The following XKR9 variants were observed in gnomAD, a reference collection of about 807,000 sequenced individuals.
XKR9 encodes the protein XK-related protein 9.
A neutral mutation model predicts 32.0 loss-of-function variants in XKR9; 32 were observed. That is an observed-to-expected ratio of 1.00 (90% CI 0.76 to 1.34). XKR9 has a LOEUF of 1.34. XKR9 is among the 40% of genes most tolerant of loss of function. The pLI is 0.00. For missense variants in XKR9, 546 were observed against 429.7 expected, an observed-to-expected ratio of 1.27 and a Z score of -2.39; for synonymous variants, 168 against 143.4, an observed-to-expected ratio of 1.17 and a Z score of -1.22.
At chr8:70,877,911 A>G in the XKR9 span, among the ~76,000 whole-genome samples, 1 of 152,200 alleles carries the variant, frequency 6.6e-6, no homozygotes, top group Non-Finnish European at 1.5e-5. Flanking sequence ...AGCCAGAGAG[A>G]AAGGTCGAGT....
At chr8:70,724,837 T>A (rs1200221663) in intron 4 of XKR9, among the ~76,000 whole-genome samples, 1 of 152,126 alleles carries the variant, frequency 6.6e-6, no homozygotes, top group East Asian at 1.9e-4. Flanking sequence ...TTAGTCTGGG[T>A]TTTCTTTTTT....
chr8:70,919,580 A>G, the XKR9 span, among the ~76,000 whole-genome samples: 1 of 152,160 alleles, frequency 6.6e-6, no homozygotes, highest in Admixed American at 6.5e-5. Context: ...TGACTTGCAT[A>G]TGCCCTAGTT....
At chr8:70,889,869 T>C in the XKR9 span, among the ~76,000 whole-genome samples, 2 of 152,078 alleles carry the variant, frequency 1.3e-5, no homozygotes, top group Non-Finnish European at 2.9e-5. Context: ...TGAATAGTGC[T>C]GCAATGAACA....
At chr8:70,811,696 A>G in the XKR9 span, among the ~76,000 whole-genome samples, 1 of 152,252 alleles carries the variant, frequency 6.6e-6, no homozygotes, top group Admixed American at 6.5e-5. Flanking sequence ...TCTAGAAGAA[A>G]TGGATAAATT....
At chr8:70,827,519 T>C in the XKR9 span, among the ~76,000 whole-genome samples, 3 of 152,174 alleles carry the variant, frequency 2.0e-5, no homozygotes, top group Non-Finnish European at 4.4e-5. Context: ...CTTTGTGATG[T>C]TGAAAAAAAT....
the XKR9 span, among the ~76,000 whole-genome samples, chr8:70,889,417 A>G: frequency 1.3e-5 from 2 of 150,580 alleles, no homozygotes; most frequent in African/African-American, 4.9e-5. Flanking sequence ...TTCACCTTTT[A>G]TTTTAGATTC....
intron 2 of XKR9, among the ~76,000 whole-genome samples, chr8:70,772,034 T>C (rs1807460545): frequency 6.6e-6 from 1 of 152,242 alleles, no homozygotes; most frequent in Admixed American, 6.5e-5. Context: ...CACTTTTGAA[T>C]ACTTTTATAG....
intron 4 of XKR9, 29 bp from the exon 5 acceptor site, chr8:70,733,767 A>G: frequency 6.8e-7 from 1 of 1,477,740 alleles, no homozygotes; most frequent in Non-Finnish European, 9.0e-7. Flanking sequence ...TTCCTATAAC[A>G]ATATATTTTT....
At chr8:71,034,088 CTTCTGAGG>C in the XKR9 span, among the ~76,000 whole-genome samples, 1 of 152,174 alleles carries the variant, frequency 6.6e-6, no homozygotes. Flanking sequence ...TGAAATGTGA[CTTCTGAGG>C]CTAGGTCATA....
chr8:70,825,427 A>G, the XKR9 span, among the ~76,000 whole-genome samples: 1 of 152,104 alleles, frequency 6.6e-6, no homozygotes, highest in Non-Finnish European at 1.5e-5. Context: ...TTTTGAACAC[A>G]TACAGTTCTC....
chr8:70,911,071 C>A, the XKR9 span, among the ~76,000 whole-genome samples: 1 of 152,170 alleles, frequency 6.6e-6, no homozygotes, highest in Non-Finnish European at 1.5e-5. Context: ...ATAATCCAGG[C>A]TTAGCTCCTT....
At chr8:70,902,118 A>T in the XKR9 span, among the ~76,000 whole-genome samples, 8 of 152,084 alleles carry the variant, frequency 5.3e-5, no homozygotes, top group South Asian at 1.7e-3. Flanking sequence ...TTTGCTTAGG[A>T]TTGTCTTTGC....
At chr8:70,793,552 C>G (rs1165161916), downstream of XKR9, among the ~76,000 whole-genome samples, 4 of 152,038 alleles carry the variant, frequency 2.6e-5, no homozygotes, top group African/African-American at 7.2e-5. Flanking sequence ...GACTTCTCAG[C>G]TTCCAAAGAA....
At chr8:70,908,631 A>T in the XKR9 span, among the ~76,000 whole-genome samples, 2 of 152,196 alleles carry the variant, frequency 1.3e-5, no homozygotes, top group African/African-American at 2.4e-5. Context: ...CAATTATTCC[A>T]CTGCAGTGGG....
At chr8:70,710,635 C>T (rs539296699) in intron 4 of XKR9, among the ~76,000 whole-genome samples, 2 of 152,100 alleles carry the variant, frequency 1.3e-5, no homozygotes, top group South Asian at 2.1e-4. Context: ...CCCAGGAAGG[C>T]GGAGGTTGCA....
chr8:70,927,779 A>G, the XKR9 span, among the ~76,000 whole-genome samples: 1 of 152,212 alleles, frequency 6.6e-6, no homozygotes, highest in African/African-American at 2.4e-5. Flanking sequence ...TTCAAAACAT[A>G]ACACTGTCCA....
Position 70,734,278 on chromosome 8 carries a change from G to C in XKR9, c.976G>C (p.Val326Leu), listed in dbSNP as rs1202608340. ...TTTTATACCTATCAGTATAACTATA[G>C]TTCTTACTCTTCTTCTTGGAATTCT... ...DYFIPISITI[V>L]LTLLLGILFL... Residue 326 changes from valine to leucine, a missense_variant, in exon 5 of 5, where the codon GTT becomes CTT. Physicochemically the swap from Val to Leu is conservative, Grantham distance 32. Transcript: ENST00000408926. 1 of 1,612,632 alleles carries C rather than the reference G, an allele frequency of 6.2e-7. No individual in the cohort carries two copies. Among genetic ancestry groups the C allele is most frequent in the South Asian group, 1.1e-5 (1 of 90,970 alleles).
At chr8:70,755,175 C>T (rs1807201980) in intron 2 of XKR9, among the ~76,000 whole-genome samples, 1 of 152,178 alleles carries the variant, frequency 6.6e-6, no homozygotes, top group Non-Finnish European at 1.5e-5. Flanking sequence ...TCATGACTGG[C>T]CGTCAGAGAA....
intron 4 of XKR9, among the ~76,000 whole-genome samples, chr8:70,710,184 A>G (rs1310152828): frequency 6.6e-6 from 1 of 152,174 alleles, no homozygotes; most frequent in Non-Finnish European, 1.5e-5. Context: ...GTAACAAGCA[A>G]CAGGGAAAGG....
Sources: gnomAD v4.1 joint callset for allele counts (sites outside exome capture counted in the v4.1 genomes callset) on GRCh38, gnomAD v4.1.1 for gene constraint, MANE v1.5 for transcripts, NCBI Gene and HGNC (gene_info 2026-07-23, HGNC 2026-07-21) for gene names.